Variants in CSMD3 observed in about 807,000 individuals in gnomAD.
CSMD3 encodes CUB and sushi domain-containing protein 3.
CSMD3 carries 177 observed loss-of-function variants against 435.2 expected under a neutral mutation model. The ratio of observed to expected loss-of-function variants is 0.41; its 90% confidence interval spans 0.36 to 0.46. The LOEUF is 0.46. Ranked by LOEUF, CSMD3 falls within the 20% of genes least tolerant of loss-of-function variation. The pLI, the probability that CSMD3 is intolerant of heterozygous loss-of-function variation, is 0.34. For missense variants in CSMD3, 4,265 were observed against 4,504.6 expected, an observed-to-expected ratio of 0.95 and a Z score of 1.52; for synonymous variants, 1,656 against 1,520.5, an observed-to-expected ratio of 1.09 and a Z score of -2.07.
rs183490648 is a variant in CSMD3 at position 112,296,597 on chromosome 8, T to A, written c.8441-591A>T. ...TAAAAGAAAGAAAATATATCAAAAT[T>A]TAGAGGTACAGATAAAGCATTACTT... On this transcript the variant is annotated intron_variant, in intron 53 of 70. Coordinates refer to ENST00000297405, the MANE Select transcript of CSMD3 (RefSeq NM_198123.2). 4.2e-4 allele frequency among the ~76,000 whole-genome samples: 63 copies of A among 151,290 alleles called. 1 individual carries two copies. The East Asian group carries it at 8.9e-3, about 21-fold the overall frequency.
rs147807538 is a variant in CSMD3, at chr8:112,630,482, G to A, written c.3715+6335C>T. Among the ~76,000 whole-genome samples the A allele has an allele frequency of 1.7e-3, 256 of 152,100 alleles. 3 individuals carry two copies. Among genetic ancestry groups the A allele is most frequent in the African/African-American group, 5.9e-3 (246 of 41,512 alleles). On this transcript the variant is annotated intron_variant, in intron 22 of 70. Coordinates refer to ENST00000297405, the MANE Select transcript of CSMD3 (RefSeq NM_198123.2). Reference sequence around the variant, plus strand: ...ATCTTCTTAAATGGTTTGTATAAAGGGTATGTGAAGTGAAATATTTACACA... The same window carrying A: ...ATCTTCTTAAATGGTTTGTATAAAGAGTATGTGAAGTGAAATATTTACACA...
chr8:113,433,871 T>C (rs144437950), intron 1 of CSMD3, among the ~76,000 whole-genome samples: 2 of 152,150 alleles, frequency 1.3e-5, no homozygotes, highest in East Asian at 1.9e-4. Context: ...TGTGTGTGTG[T>C]GCGTGTGTAC....
chr8:112,653,915 C>T (rs2075193630), intron 18 of CSMD3, among the ~76,000 whole-genome samples: 2 of 152,034 alleles, frequency 1.3e-5, no homozygotes, highest in South Asian at 4.1e-4. Flanking sequence ...GCCTTGGCCT[C>T]CCAAAGTGTT....
chr8:112,805,537 C>T (rs1360082502), intron 12 of CSMD3, among the ~76,000 whole-genome samples: 1 of 152,156 alleles, frequency 6.6e-6, no homozygotes, highest in Non-Finnish European at 1.5e-5. Context: ...TACTGCCATA[C>T]TTCCAGAAAG....
At chr8:112,279,858 G>C (rs979584091) in intron 59 of CSMD3, among the ~76,000 whole-genome samples, 1 of 152,106 alleles carries the variant, frequency 6.6e-6, no homozygotes, top group Non-Finnish European at 1.5e-5. Context: ...TATTTCAACA[G>C]CTTCCCAAGC....
intron 40 of CSMD3, among the ~76,000 whole-genome samples, chr8:112,349,119 T>C (rs1355768147): frequency 6.6e-6 from 1 of 152,006 alleles, no homozygotes; most frequent in East Asian, 1.9e-4. Flanking sequence ...ATGAGATGTG[T>C]TCATAATAAA....
At chr8:112,908,735 A>C (rs2082328325) in intron 10 of CSMD3, among the ~76,000 whole-genome samples, 1 of 151,596 alleles carries the variant, frequency 6.6e-6, no homozygotes, top group Admixed American at 6.6e-5. Context: ...TTATTAATAA[A>C]TATTTTTATG....
chr8:112,226,947 A>G (rs868750487), intron 70 of CSMD3, among the ~76,000 whole-genome samples: 19 of 152,316 alleles, frequency 1.2e-4, no homozygotes, highest in South Asian at 2.1e-4. Flanking sequence ...CTTTGGACAA[A>G]GCAGAACCTT....
At chr8:112,609,020 C>G (rs1663207484) in intron 22 of CSMD3, among the ~76,000 whole-genome samples, 1 of 151,186 alleles carries the variant, frequency 6.6e-6, no homozygotes, top group Non-Finnish European at 1.5e-5. Flanking sequence ...TGAAAAGTTT[C>G]TGCCCAGCAA....
At chr8:113,314,916 G>A in intron 1 of CSMD3, 123 bp from the exon 2 acceptor site, 1 of 664,138 alleles carries the variant, frequency 1.5e-6, no homozygotes, top group Non-Finnish European at 2.6e-6. Flanking sequence ...TTTATAAATG[G>A]CAGTTTAAGA....
intron 1 of CSMD3, among the ~76,000 whole-genome samples, chr8:113,397,979 T>C (rs2094492137): frequency 6.6e-6 from 1 of 152,044 alleles, no homozygotes; most frequent in East Asian, 1.9e-4. Context: ...TTTTCATCTG[T>C]ATAATGGGAA....
chr8:112,250,380 A>C (rs1297237258), intron 63 of CSMD3, among the ~76,000 whole-genome samples: 1 of 151,732 alleles, frequency 6.6e-6, no homozygotes, highest in Non-Finnish European at 1.5e-5. Flanking sequence ...CTTATACCTA[A>C]TATCTAATAA....
chr8:112,660,799 G>C (rs541903766), intron 17 of CSMD3, among the ~76,000 whole-genome samples: 2 of 152,294 alleles, frequency 1.3e-5, no homozygotes, highest in South Asian at 4.1e-4. Context: ...AATTCTTAAA[G>C]CATTGTAACT....
chr8:113,055,384 C>A (rs1303608177), intron 5 of CSMD3, among the ~76,000 whole-genome samples: 1 of 152,172 alleles, frequency 6.6e-6, no homozygotes, highest in Admixed American at 6.5e-5. Flanking sequence ...ATTAAACTCT[C>A]ATTTTTCACA....
chr8:112,907,898 A>G (rs1472951673), intron 10 of CSMD3, among the ~76,000 whole-genome samples: 2 of 151,418 alleles, frequency 1.3e-5, no homozygotes, highest in African/African-American at 2.4e-5. Flanking sequence ...TGAACTGGAG[A>G]TGAGAATAGT....
At chr8:112,496,473 G>T (rs973085218) in intron 30 of CSMD3, among the ~76,000 whole-genome samples, 1 of 151,990 alleles carries the variant, frequency 6.6e-6, no homozygotes, top group Non-Finnish European at 1.5e-5. Context: ...CCAAAAGAAA[G>T]AAATCAGTAT....
chr8:112,407,248 C>A (rs1185586904), intron 34 of CSMD3, among the ~76,000 whole-genome samples: 1 of 151,898 alleles, frequency 6.6e-6, no homozygotes, highest in African/African-American at 2.4e-5. Context: ...AAGATAACTA[C>A]ATTTGGACTA....
intron 1 of CSMD3, among the ~76,000 whole-genome samples, chr8:113,389,592 G>A (rs1460720474): frequency 6.6e-6 from 1 of 151,694 alleles, no homozygotes; most frequent in Non-Finnish European, 1.5e-5. Context: ...TGCCCTTGAA[G>A]AAACTAAATT....
intron 5 of CSMD3, among the ~76,000 whole-genome samples, chr8:113,021,896 G>C (rs946699717): frequency 6.6e-6 from 1 of 152,176 alleles, no homozygotes; most frequent in African/African-American, 2.4e-5. Context: ...CAATGCTTCA[G>C]TGTATGAGGC....
Sources: allele counts gnomAD v4.1 joint callset (sites outside exome capture counted in the v4.1 genomes callset), GRCh38; gene constraint gnomAD v4.1.1; transcripts MANE v1.5; gene names NCBI Gene and HGNC (gene_info 2026-07-23, HGNC 2026-07-21).